TRPV6: variants seen among roughly 807,000 people sequenced by gnomAD.
TRPV6 encodes transient receptor potential cation channel subfamily V member 6.
TRPV6 carries 39 observed loss-of-function variants against 79.0 expected under a neutral mutation model. That is an observed-to-expected ratio of 0.49 (90% CI 0.38 to 0.64). The LOEUF (loss-of-function observed/expected upper bound fraction) is 0.64, where lower values mean the gene tolerates loss of function less well. Ranked by LOEUF, TRPV6 falls within the 30% of genes least tolerant of loss-of-function variation. The pLI, the probability that TRPV6 is intolerant of heterozygous loss-of-function variation, is 0.00. For synonymous variants in TRPV6, 373 were observed against 391.9 expected, an observed-to-expected ratio of 0.95 and a Z score of 0.57; for missense variants, 813 against 1,011.1, an observed-to-expected ratio of 0.80 and a Z score of 2.66.
At chr7:142,876,047 G>T in intron 6 of TRPV6, 143 bp from the exon 7 acceptor site, 1 of 882,156 alleles carries the variant, frequency 1.1e-6, no homozygotes, top group South Asian at 2.0e-5. Flanking sequence ...GAGGGCAGAA[G>T]AACCCACATT....
chr7:142,879,858 C>T (rs1795158010), intron 1 of TRPV6: 2 of 152,318 alleles, frequency 1.3e-5, no homozygotes, highest in Non-Finnish European at 2.9e-5. Flanking sequence ...ACTCCTTAGA[C>T]CTGGCATTTT....
intron 1 of TRPV6, chr7:142,879,189 T>C (rs1346863377): frequency 6.6e-6 from 1 of 152,242 alleles, no homozygotes; most frequent in Admixed American, 6.5e-5. Flanking sequence ...TGCATCTGAA[T>C]GTTCCCATTC....
chr7:142,872,103 CT>C, intron 14 of TRPV6, 114 bp from the exon 15 acceptor site: 3 of 1,426,956 alleles, frequency 2.1e-6, no homozygotes, highest in Non-Finnish European at 1.9e-6. Context: ...GGCCTTTTCC[CT>C]TTTCTGCAGC....
intron 10 of TRPV6, 82 bp downstream of exon 10, chr7:142,874,822 G>T: frequency 1.3e-6 from 2 of 1,590,140 alleles, no homozygotes; most frequent in African/African-American, 1.3e-5. Context: ...TGGAGCTAAG[G>T]TTCTTGAGAG....
intron 14 of TRPV6, 44 bp downstream of exon 14, chr7:142,872,328 C>A: frequency 1.3e-6 from 2 of 1,598,574 alleles, no homozygotes; most frequent in East Asian, 2.2e-5. Context: ...GATACCCTGC[C>A]GATGAGGCTT....
At chr7:142,875,287 C>T (rs1262001788) in intron 8 of TRPV6, 123 bp from the exon 9 acceptor site, 1 of 1,323,200 alleles carries the variant, frequency 7.6e-7, no homozygotes. Context: ...TGGGTCTTCT[C>T]AAACTCTGCT....
Position 142,871,447 on chromosome 7 carries a change from A to T in TRPV6, c.*260T>A. 2 of 509,036 alleles carry T rather than the reference A, an allele frequency of 3.9e-6. No individual in the cohort carries two copies. The highest frequency in any genetic ancestry group is 3.5e-6 in the Non-Finnish European group (1 of 286,246). 31.5% of individuals were successfully genotyped at this position (509,036 alleles called of 1,614,324 possible). On this transcript the variant is annotated 3_prime_UTR_variant, in exon 15 of 15. Transcript: ENST00000359396. ...CTCTGACATGCAGTGCTCCTGTCGG[A>T]AGGGTGATGAGCAGGCCACAGGAGA...
rs1281361203 is a variant in TRPV6 at position 142,875,133 on chromosome 7, C to T, written c.1274G>A (p.Arg425Gln). 4 of 1,613,908 alleles carry T rather than the reference C, an allele frequency of 2.5e-6. No individual in the cohort carries two copies. Among genetic ancestry groups the T allele is most frequent in the East Asian group, 4.5e-5 (2 of 44,876 alleles). ...GACAGTCACCAGCTCCCCGACCAGC[C>T]GGATATCGTCCTTAGGGGTCATGTA... Residue 425 changes from arginine (R) to glutamine (Q), a missense_variant, in exon 9 of 15, where the codon CGG becomes CAG. This residue lies in a region of TRPV6 where 555 missense variants were observed against 631.0 expected (regional missense o/e 0.88). Coordinates refer to ENST00000359396, the MANE Select transcript of TRPV6 (RefSeq NM_018646.6).
Position 142,873,858 on chromosome 7 carries a change from G to A in TRPV6, c.1640-142C>T, listed in dbSNP as rs138703132. ...GTGCTCCAAACTTTGGGTTTTTACG[G>A]TCCCTAGTTTTGTATGAGCCTCATC... On this transcript the variant is annotated intron_variant, in intron 12 of 14. Transcript: ENST00000359396. This position sits in a 1 kb window ranked among gnomAD's most constrained non-coding sequence, Gnocchi z 4.8. The A allele has an allele frequency of 1.0e-5, 13 of 1,259,138 alleles. No homozygotes were observed. In the African/African-American group the frequency reaches 1.9e-4, roughly 19 times the overall value. 78.0% of individuals were successfully genotyped at this position (1,259,138 alleles called of 1,614,324 possible).
rs369340306 is a variant in TRPV6 at position 142,876,787 on chromosome 7, G to A, written c.658C>T (p.Arg220Trp). Residue 220 changes from arginine (R) to tryptophan (W), a missense_variant, in exon 5 of 15, where the codon CGG becomes TGG. This residue lies in a region of TRPV6 where 555 missense variants were observed against 631.0 expected (regional missense o/e 0.88). Coordinates refer to ENST00000359396, the MANE Select transcript of TRPV6 (RefSeq NM_018646.6). ...TCAGCTCCATGCTCAATGAGCAGCC[G>A]CACGATCTCCTCACTGTTCACACAG... is the stretch of plus-strand genomic sequence containing the variant. The A allele has an allele frequency of 7.2e-5, 116 of 1,613,932 alleles. No individual in the cohort carries two copies. The highest frequency in any genetic ancestry group is 1.6e-4 in the Middle Eastern group (1 of 6,084).
chr7:142,883,689 C>T (rs916786900), intron 1 of TRPV6: 1 of 152,218 alleles, frequency 6.6e-6, no homozygotes, highest in African/African-American at 2.4e-5. Flanking sequence ...CCCATGCCTT[C>T]TCTTTGGTTG....
At position 142,873,462 on chromosome 7, in the gene TRPV6, G is replaced by C; in HGVS notation, c.1894C>G (p.Leu632Val). The change falls in exon 13 of 15, where the codon CTG becomes GTG. Residue 632 changes from leucine (L) to valine (V), a missense_variant. Coordinates refer to ENST00000359396, the MANE Select transcript of TRPV6 (RefSeq NM_018646.6). This position sits in a 1 kb window ranked among gnomAD's most constrained non-coding sequence, Gnocchi z 4.8. ...AGGGGGCTCACCTGGGCCCTCCACAGCTCATCCCGCTCATGGGCCACTCGC... is the reference window on the plus strand; with the variant it reads ...AGGGGGCTCACCTGGGCCCTCCACACCTCATCCCGCTCATGGGCCACTCGC... The C allele has an allele frequency of 6.2e-7, 1 of 1,614,100 alleles. No individual in the cohort carries two copies. The highest frequency in any genetic ancestry group is 8.5e-7 in the Non-Finnish European group (1 of 1,180,026).
chr7:142,885,420 G>T lies in TRPV6; in HGVS notation c.217C>A (p.Arg73=), dbSNP rs1270405924. 1 of 1,613,734 alleles carries T rather than the reference G, an allele frequency of 6.2e-7. No homozygotes were observed. Among genetic ancestry groups the T allele is most frequent in the African/African-American group, 1.3e-5 (1 of 75,036 alleles). ...TGCTGCAGCAGGTTCTGCTCATCTC[G>T]GCTCTGGGCCCAGGACTCCCGTCTC... Residue 73 remains arginine (R), a synonymous_variant, in exon 1 of 15, where the codon CGA becomes AGA. Transcript: ENST00000359396.
Position 142,877,168 on chromosome 7 carries a change from C to T in TRPV6, c.581G>A (p.Arg194His), listed in dbSNP as rs189956366. 2.3e-5 allele frequency: 37 copies of T among 1,614,182 alleles called. No individual in the cohort carries two copies. The highest frequency in any genetic ancestry group is 1.3e-4 in the East Asian group (6 of 44,878). ...AAAGTAGATGAGGTTGCAGGGACTA[C>T]GGCGGAAGGCAGTGCCTGTGGCTCT... Residue 194 changes from arginine to histidine, a missense_variant, in exon 4 of 15, where the codon CGT (arginine) becomes CAT (histidine). Transcript: ENST00000359396.
intron 6 of TRPV6, 21 bp downstream of exon 6, chr7:142,876,387 G>A (rs763316403): frequency 3.0e-5 from 49 of 1,609,118 alleles, no homozygotes; most frequent in Non-Finnish European, 3.9e-5. Flanking sequence ...AGACACCTCA[G>A]GGATGGGGAC....
intron 1 of TRPV6, chr7:142,880,433 G>GC (rs1795169394): frequency 6.6e-6 from 1 of 152,212 alleles, no homozygotes; most frequent in South Asian, 2.1e-4. Flanking sequence ...GAAGAGACCA[G>GC]CCACTAACTC....
chr7:142,885,383 C>G lies in TRPV6; in HGVS notation c.248+6G>C. ...TGGGGAAGGGAGCAGACCAAGGGGG[C>G]CTTACCTCTTCTGCTGCAGCAGGTT... On this transcript the variant is annotated splice_donor_region_variant and intron_variant, in intron 1 of 14. Coordinates refer to ENST00000359396, the MANE Select transcript of TRPV6 (RefSeq NM_018646.6). The G allele has an allele frequency of 1.2e-6, 2 of 1,610,006 alleles. No individual in the cohort carries two copies. The highest frequency in any genetic ancestry group is 2.2e-5 in the South Asian group (2 of 90,484).
chr7:142,874,901 C>T lies in TRPV6; in HGVS notation c.1406+3G>A. On this transcript the variant is annotated splice_donor_region_variant and intron_variant, in intron 10 of 14. Transcript: ENST00000359396. ...GGATGGGAGTGAGAGGAAGGAAACT[C>T]ACATGAGGACATGGAATGGGCCCCC... The T allele has an allele frequency of 1.2e-6, 2 of 1,614,094 alleles. No individual in the cohort carries two copies.
At chr7:142,875,723 C>A (rs1795050937) in intron 7 of TRPV6, 35 bp downstream of exon 7, 1 of 1,599,010 alleles carries the variant, frequency 6.3e-7, no homozygotes, top group Non-Finnish European at 8.5e-7. Flanking sequence ...CCCTGACACC[C>A]CTCCCCAGCC....
Sources: gnomAD v4.1 joint callset for allele counts on GRCh38, gnomAD v4.1.1 for gene constraint, gnomAD v4.1.1 regional missense constraint, Gnocchi (gnomAD v3.1) non-coding constraint, MANE v1.5 for transcripts, NCBI Gene and HGNC (gene_info 2026-07-23, HGNC 2026-07-21) for gene names.